The following PRKG1 variants were observed in gnomAD, a reference collection of about 807,000 sequenced individuals.
The protein encoded by PRKG1 is cGMP-dependent protein kinase 1.
In PRKG1, 35 loss-of-function variants were observed where a neutral mutation model predicts 88.1. The observed-to-expected ratio is 0.40, with a 90% CI of 0.30 to 0.53. The LOEUF (loss-of-function observed/expected upper bound fraction) is 0.53, where lower values mean the gene tolerates loss of function less well. PRKG1 is among the 20% of genes least tolerant of loss of function. The pLI, the probability that PRKG1 is intolerant of heterozygous loss-of-function variation, is 0.59. For synonymous variants in PRKG1, 303 were observed against 292.5 expected, an observed-to-expected ratio of 1.04 and a Z score of -0.37; for missense variants, 540 against 839.8, an observed-to-expected ratio of 0.64 and a Z score of 4.41.
intron 7 of PRKG1, among the ~76,000 whole-genome samples, chr10:52,090,265 TA>T (rs1459243768): frequency 2.0e-5 from 3 of 151,960 alleles, no homozygotes; most frequent in Non-Finnish European, 4.4e-5. Flanking sequence ...TTTAAATGGC[TA>T]CATACAAAAA....
At chr10:51,128,612 A>G (rs1306992045) in intron 1 of PRKG1, among the ~76,000 whole-genome samples, 2 of 152,218 alleles carry the variant, frequency 1.3e-5, no homozygotes, top group Admixed American at 6.5e-5. Flanking sequence ...ATCTATTTAC[A>G]CTTAGACCAG....
chr10:51,428,094 ACGT>A (rs1838644017), intron 2 of PRKG1, among the ~76,000 whole-genome samples: 1 of 152,198 alleles, frequency 6.6e-6, no homozygotes, highest in South Asian at 2.1e-4. Flanking sequence ...TGAGAGGATG[ACGT>A]CTAGAATTGA....
intron 2 of PRKG1, among the ~76,000 whole-genome samples, chr10:51,207,712 G>A (rs1163626868): frequency 6.6e-6 from 1 of 152,132 alleles, no homozygotes; most frequent in Non-Finnish European, 1.5e-5. Context: ...CAGATTACAA[G>A]TAAGTGGAAG....
chr10:52,148,076 G>C (rs1837782226), intron 8 of PRKG1, among the ~76,000 whole-genome samples: 1 of 152,166 alleles, frequency 6.6e-6, no homozygotes, highest in South Asian at 2.1e-4. Flanking sequence ...TACTATGTAA[G>C]AACTAAGTTC....
At chr10:51,059,447 A>G (rs1275093025) in intron 1 of PRKG1, among the ~76,000 whole-genome samples, 1 of 152,012 alleles carries the variant, frequency 6.6e-6, no homozygotes, top group Non-Finnish European at 1.5e-5. Flanking sequence ...TCTAGGCTCC[A>G]GTGTACTGGT....
chr10:51,699,557 G>T (rs747640006), intron 3 of PRKG1: 1 of 1,603,802 alleles, frequency 6.2e-7, no homozygotes, highest in Non-Finnish European at 8.5e-7. Context: ...CATGATTCCG[G>T]TTGTGCAGAC....
intron 7 of PRKG1, among the ~76,000 whole-genome samples, chr10:52,065,352 G>T (rs1846331160): frequency 6.6e-6 from 1 of 152,164 alleles, no homozygotes; most frequent in African/African-American, 2.4e-5. Context: ...AATAGGACAT[G>T]ATTTACTCCT....
chr10:51,272,689 A>G (rs1026260624), intron 2 of PRKG1, among the ~76,000 whole-genome samples: 1 of 152,142 alleles, frequency 6.6e-6, no homozygotes, highest in Non-Finnish European at 1.5e-5. Context: ...CTGCAGCAGC[A>G]TGGTCAGGAA....
chr10:52,065,341 C>A (rs1846330970), intron 7 of PRKG1, among the ~76,000 whole-genome samples: 1 of 152,108 alleles, frequency 6.6e-6, no homozygotes. Flanking sequence ...GGAGGGACAG[C>A]AATAGGACAT....
At chr10:51,484,071 G>A (rs191545517) in intron 3 of PRKG1, among the ~76,000 whole-genome samples, 58 of 152,228 alleles carry the variant, frequency 3.8e-4, no homozygotes, top group African/African-American at 1.3e-3. Context: ...GTTGATGCAC[G>A]AAATGATAGA....
intron 1 of PRKG1, among the ~76,000 whole-genome samples, chr10:51,142,313 A>G (rs188942422): frequency 1.3e-5 from 2 of 152,184 alleles, no homozygotes; most frequent in South Asian, 2.1e-4. Flanking sequence ...AAGGGGATCT[A>G]TGAATGAACT....
intron 3 of PRKG1, among the ~76,000 whole-genome samples, chr10:51,543,715 C>T (rs1842371791): frequency 6.6e-6 from 1 of 152,142 alleles, no homozygotes; most frequent in Non-Finnish European, 1.5e-5. Flanking sequence ...GAAAGGTTAT[C>T]CTCAGGCTAT....
chr10:52,109,047 T>G (rs1182129380), intron 7 of PRKG1, among the ~76,000 whole-genome samples: 1 of 151,944 alleles, frequency 6.6e-6, no homozygotes. Flanking sequence ...AGGCTGGTCT[T>G]GAACTCCTGA....
chr10:51,549,120 C>CTGTTTTTTTTTTTTTTTTTT (rs1842515370), intron 3 of PRKG1, among the ~76,000 whole-genome samples: 1 of 70,326 alleles, frequency 1.4e-5, no homozygotes, highest in Admixed American at 1.8e-4. Flanking sequence ...CTTTTCTTTT[C>CTGTTTTTTTTTTTTTTTTTT]TTTTTTTTTT....
intron 1 of PRKG1, among the ~76,000 whole-genome samples, chr10:51,046,403 G>T (rs1028232233): frequency 5.9e-5 from 9 of 152,170 alleles, no homozygotes; most frequent in African/African-American, 2.2e-4. Context: ...CTGGCATACT[G>T]TTAGGGCATT....
chr10:51,402,662 G>T (rs765425561), intron 2 of PRKG1, among the ~76,000 whole-genome samples: 14 of 152,188 alleles, frequency 9.2e-5, no homozygotes, highest in Non-Finnish European at 1.8e-4. Flanking sequence ...CAATACCTGA[G>T]CTCCTGTAAC....
At chr10:51,542,338 C>T (rs553375978) in intron 3 of PRKG1, among the ~76,000 whole-genome samples, 6 of 152,214 alleles carry the variant, frequency 3.9e-5, no homozygotes, top group South Asian at 2.1e-4. Flanking sequence ...AAGTACTTTA[C>T]GTGCATCCAC....
At chr10:52,240,796 TC>T (rs1233145414) in intron 9 of PRKG1, among the ~76,000 whole-genome samples, 1 of 152,144 alleles carries the variant, frequency 6.6e-6, no homozygotes, top group Admixed American at 6.6e-5. Flanking sequence ...TGGATGGTGT[TC>T]TCAAAGACCA....
intron 3 of PRKG1, among the ~76,000 whole-genome samples, chr10:51,533,029 C>T (rs1431549737): frequency 6.6e-6 from 1 of 152,162 alleles, no homozygotes; most frequent in Admixed American, 6.5e-5. Flanking sequence ...GAGAACCTGA[C>T]AGTTCCGAGA....
Sources: allele counts gnomAD v4.1 joint callset (sites outside exome capture counted in the v4.1 genomes callset), GRCh38; gene constraint gnomAD v4.1.1; transcripts MANE v1.5; gene names NCBI Gene and HGNC (gene_info 2026-07-23, HGNC 2026-07-21).